CRK: variants seen among roughly 807,000 people sequenced by gnomAD.
CRK encodes the protein CRK proto-oncogene, adaptor protein, also known as adapter molecule crk.
A neutral mutation model predicts 29.8 loss-of-function variants in CRK; 4 were observed. The observed-to-expected ratio is 0.13, with a 90% confidence interval of 0.07 to 0.31. CRK has a LOEUF of 0.31. Ranked by LOEUF, CRK falls within the 10% of genes least tolerant of loss-of-function variation. The pLI is 1.00. For synonymous variants in CRK, 153 were observed against 164.9 expected (o/e 0.93, Z 0.55); for missense variants, 274 against 396.5 (o/e 0.69, Z 2.62).
Position 1,436,666 on chromosome 17 carries a change from T to C in CRK, c.731A>G (p.Gln244Arg), listed in dbSNP as rs750699283. The change falls in exon 2 of 3, where the codon CAG (glutamine) becomes CGG (arginine). Residue 244 changes from glutamine to arginine, a missense_variant. Around this residue, in one of 3 missense-constraint regions of CRK, gnomAD observed 121 missense variants for 154.3 expected, o/e 0.78. Coordinates refer to ENST00000300574, the MANE Select transcript of CRK (RefSeq NM_016823.4). ...GTCGTAGGCATTGGGGACTCGCTTC[T>C]GGATAACCCTGGCATATATGGGCCC... ...QNGPIYARVI[Q>R]KRVPNAYDKT... The C allele has an allele frequency of 1.2e-6, 2 of 1,612,408 alleles. No homozygotes were observed. The highest frequency in any genetic ancestry group is 4.5e-5 in the East Asian group (2 of 44,890).
rs1222327170 is a variant in CRK, at chr17:1,456,089, C to G, written c.29G>C (p.Arg10Pro). 6.4e-7 allele frequency: 1 copy of G among 1,561,582 alleles called. No individual in the cohort carries two copies. The highest frequency in any genetic ancestry group is 8.6e-7 in the Non-Finnish European group (1 of 1,157,408). ...CAACCTCCCCCAGTACCAGCTACTC[C>G]GCTCCTCCGAGTCGAAGTTGCCCGC... MAGNFDSEE[R>P]SSWYWGRLSR... Residue 10 changes from arginine to proline, a missense_variant, in exon 1 of 3, where the codon CGG becomes CCG. This residue lies in a region of CRK where 135 missense variants were observed against 180.9 expected (regional missense o/e 0.75). Transcript: ENST00000300574.
In CRK at chr17:1,455,672, C is replaced by T. The variant is rs143680116; in HGVS notation, c.241+205G>A. 3.8e-3 allele frequency among the ~76,000 whole-genome samples: 571 copies of T among 151,866 alleles called. No individual in the cohort carries two copies. Among genetic ancestry groups the T allele is most frequent in the Non-Finnish European group, 6.0e-3 (406 of 68,004 alleles). On this transcript the variant is annotated intron_variant, in intron 1 of 2. Coordinates refer to ENST00000300574, the MANE Select transcript of CRK (RefSeq NM_016823.4). Reference sequence around the variant, plus strand: ...CGCGGCTGCCCTCCCCAGGCACACCCCGGGGCCTCGGTCCGCGGCTCCTCC... The same window carrying T: ...CGCGGCTGCCCTCCCCAGGCACACCTCGGGGCCTCGGTCCGCGGCTCCTCC...
intron 2 of CRK, among the ~76,000 whole-genome samples, chr17:1,430,489 TG>T (rs1256477747): frequency 3.3e-5 from 5 of 151,052 alleles, no homozygotes; most frequent in African/African-American, 1.2e-4. Context: ...CCCGAGTACC[TG>T]GGACTACAGA....
chr17:1,429,614 ACT>A (rs1020424535), intron 2 of CRK, among the ~76,000 whole-genome samples: 5 of 131,056 alleles, frequency 3.8e-5, no homozygotes, highest in Non-Finnish European at 6.5e-5. Flanking sequence ...GCACAGTGAA[ACT>A]CTGTCTCTCT....
At chr17:1,442,393 C>T (rs746460058) in intron 1 of CRK, among the ~76,000 whole-genome samples, 12 of 151,970 alleles carry the variant, frequency 7.9e-5, no homozygotes, top group Admixed American at 6.6e-5. Context: ...CTCAAGTGAT[C>T]GGCCCACCTT....
intron 1 of CRK, among the ~76,000 whole-genome samples, chr17:1,441,832 T>C (rs2073937470): frequency 6.6e-6 from 1 of 151,610 alleles, no homozygotes. Flanking sequence ...AGAGACAGTG[T>C]CTTGCTTTAC....
intron 2 of CRK, among the ~76,000 whole-genome samples, chr17:1,430,010 G>T (rs962790487): frequency 6.6e-6 from 1 of 151,058 alleles, no homozygotes; most frequent in Non-Finnish European, 1.5e-5. Context: ...TCAAATATAC[G>T]GAGATGAGAT....
intron 2 of CRK, among the ~76,000 whole-genome samples, chr17:1,434,778 G>A (rs576239584): frequency 5.5e-5 from 6 of 108,744 alleles, no homozygotes; most frequent in Non-Finnish European, 8.7e-5. Context: ...GTGAGATTTC[G>A]TCTCAAAAAG....
intron 2 of CRK, among the ~76,000 whole-genome samples, chr17:1,430,414 TG>T (rs1206200227): frequency 8.0e-5 from 12 of 150,802 alleles, no homozygotes; most frequent in East Asian, 2.0e-4. Flanking sequence ...TGGAGTGCAG[TG>T]GCGCGATCTT....
At chr17:1,423,770 G>A in intron 2 of CRK, 120 bp from the exon 3 acceptor site, 5 of 1,205,414 alleles carry the variant, frequency 4.1e-6, no homozygotes, top group Non-Finnish European at 4.6e-6. Context: ...TACAGAAATG[G>A]CCATTTGCTG....
At chr17:1,452,512 C>T (rs562655178) in intron 1 of CRK, among the ~76,000 whole-genome samples, 44 of 152,220 alleles carry the variant, frequency 2.9e-4, no homozygotes, top group African/African-American at 1.0e-3. Flanking sequence ...ACAGGCCAGG[C>T]GCTGGTGGCT....
intron 1 of CRK, among the ~76,000 whole-genome samples, chr17:1,446,861 G>A (rs990297608): frequency 6.6e-6 from 1 of 152,148 alleles, no homozygotes; most frequent in South Asian, 2.1e-4. Context: ...CCAAAGTGCT[G>A]GGATTACAGG....
intron 1 of CRK, among the ~76,000 whole-genome samples, chr17:1,438,375 C>T (rs1432099840): frequency 1.3e-5 from 2 of 152,100 alleles, no homozygotes; most frequent in Admixed American, 6.6e-5. Context: ...AGCAATCCTT[C>T]GGCCTCAACC....
chr17:1,450,161 T>A (rs1347355364), intron 1 of CRK, among the ~76,000 whole-genome samples: 1 of 151,696 alleles, frequency 6.6e-6, no homozygotes, highest in Non-Finnish European at 1.5e-5. Context: ...GCTGAGATCG[T>A]CCCACTGCAC....
intron 2 of CRK, among the ~76,000 whole-genome samples, chr17:1,432,271 T>C (rs1468531793): frequency 7.0e-6 from 1 of 142,940 alleles, no homozygotes; most frequent in African/African-American, 2.6e-5. Flanking sequence ...GGCGGATCGC[T>C]TGAGGCCAGG....
intron 2 of CRK, among the ~76,000 whole-genome samples, chr17:1,425,388 G>A (rs1192163119): frequency 6.6e-6 from 1 of 152,002 alleles, no homozygotes; most frequent in Non-Finnish European, 1.5e-5. Context: ...CACCACGCCT[G>A]GCCATCTTTT....
chr17:1,421,225 C>T lies in CRK; in HGVS notation c.*2288G>A, dbSNP rs1197690663. 3 of 152,106 alleles carry T rather than the reference C, an allele frequency of 2.0e-5. No homozygotes were observed. Among genetic ancestry groups the T allele is most frequent in the East Asian group, 1.9e-4 (1 of 5,204 alleles). 9.4% of individuals were successfully genotyped at this position (152,106 alleles called of 1,614,324 possible). A position where few individuals can be genotyped will look rare whatever the true frequency, so the allele number is the denominator to read the frequency against. The stretch of plus-strand genomic sequence containing the variant: ...TGAGGAATCCTTAGGACTTGAGTAG[C>T]GCTGCCTGTTCCACTGATATTACAT... On this transcript the variant is annotated 3_prime_UTR_variant, in exon 3 of 3. Transcript: ENST00000300574.
chr17:1,451,805 C>A (rs1003329857), intron 1 of CRK, among the ~76,000 whole-genome samples: 4 of 151,864 alleles, frequency 2.6e-5, no homozygotes, highest in Non-Finnish European at 5.9e-5. Flanking sequence ...ATGGTGAAAC[C>A]CCGTGTCTAC....
At chr17:1,450,218 A>T (rs2074006599) in intron 1 of CRK, among the ~76,000 whole-genome samples, 1 of 151,940 alleles carries the variant, frequency 6.6e-6, no homozygotes, top group South Asian at 2.1e-4. Flanking sequence ...ACATAAATAA[A>T]GTTTAAAAAA....
Sources: gnomAD v4.1 joint callset for allele counts (sites outside exome capture counted in the v4.1 genomes callset) on GRCh38, gnomAD v4.1.1 for gene constraint, gnomAD v4.1.1 regional missense constraint, MANE v1.5 for transcripts, NCBI Gene and HGNC (gene_info 2026-07-23, HGNC 2026-07-21) for gene names.